LDLRAP1: variants seen among roughly 807,000 people sequenced by gnomAD.
LDLRAP1 encodes low density lipoprotein receptor adapter protein 1.
LDLRAP1 carries 30 observed loss-of-function variants against 37.8 expected under a neutral mutation model. That is an observed-to-expected ratio of 0.79 (90% CI 0.59 to 1.08). The LOEUF (loss-of-function observed/expected upper bound fraction) is 1.08. Among genes scored for constraint, LDLRAP1 ranks in the 50% least tolerant of loss-of-function variants. The pLI, the probability that LDLRAP1 is intolerant of heterozygous loss-of-function variation, is 0.00. For missense variants in LDLRAP1, 375 were observed against 401.6 expected (o/e 0.93, Z 0.57); for synonymous variants, 156 against 169.8 (o/e 0.92, Z 0.63).
At position 25,562,624 on chromosome 1, in the gene LDLRAP1, T is replaced by G. The variant is rs765941457; in HGVS notation, c.460-20T>G. ...CTGGCTGACACTGCACCCCTCCCCA[T>G]CCCCACTTCCTGTTTTCAGGCACAG... is the stretch of plus-strand genomic sequence containing the variant. On this transcript the variant is annotated intron_variant, in intron 4 of 8. Coordinates refer to ENST00000374338, the MANE Select transcript of LDLRAP1 (RefSeq NM_015627.3). The G allele has an allele frequency of 6.2e-7, 1 of 1,612,110 alleles. No individual in the cohort carries two copies. Among genetic ancestry groups the G allele is most frequent in the Admixed American group, 1.7e-5 (1 of 60,020 alleles).
At chr1:25,548,071 A>G (rs2043979976) in intron 1 of LDLRAP1, among the ~76,000 whole-genome samples, 1 of 152,232 alleles carries the variant, frequency 6.6e-6, no homozygotes, top group Admixed American at 6.5e-5. Flanking sequence ...GGAGGCAGGT[A>G]TGGACTGAAG....
intron 8 of LDLRAP1, among the ~76,000 whole-genome samples, chr1:25,566,532 C>T (rs977778227): frequency 2.0e-5 from 3 of 152,096 alleles, no homozygotes; most frequent in African/African-American, 7.2e-5. Context: ...GTTCCCCACC[C>T]CACCCCCACC....
intron 6 of LDLRAP1, 72 bp from the exon 7 acceptor site, chr1:25,563,589 G>A: frequency 6.3e-7 from 1 of 1,596,650 alleles, no homozygotes. Context: ...GTCAGGGCCA[G>A]GACAGCCCAG....
rs370633185 is a variant in LDLRAP1, at chr1:25,565,169, C to T, written c.748-4C>T. On this transcript the variant is annotated splice_polypyrimidine_tract_variant and splice_region_variant and intron_variant, in intron 7 of 8. Coordinates refer to ENST00000374338, the MANE Select transcript of LDLRAP1 (RefSeq NM_015627.3). ...TTCTTATCTCCTGCTTTGTTTTCCC[C>T]AAGGAGCTGGATGATGGCCTGGATG... 5.1e-5 allele frequency: 82 copies of T among 1,614,018 alleles called. No individual in the cohort carries two copies. The highest frequency in any genetic ancestry group is 6.5e-5 in the Non-Finnish European group (77 of 1,179,990).
At chr1:25,574,270 G>A in the LDLRAP1 span, among the ~76,000 whole-genome samples, 4 of 152,236 alleles carry the variant, frequency 2.6e-5, no homozygotes, top group Non-Finnish European at 4.4e-5. Context: ...ACCACAGGGC[G>A]GTGGCAAGGC....
chr1:25,563,576 A>C, intron 6 of LDLRAP1, 85 bp from the exon 7 acceptor site: 1 of 1,574,252 alleles, frequency 6.4e-7, no homozygotes, highest in African/African-American at 1.3e-5. Flanking sequence ...ATCAGAGGGG[A>C]GGGTCAGGGC....
rs111972273 is a variant in LDLRAP1, at chr1:25,565,027, A to T, written c.748-146A>T. Reference sequence around the variant, plus strand: ...GATGCTGGCGATGCACCCAGGCAGGAGGCCTGCCTGAGGCCGTGCCTCCAG... The same window carrying T: ...GATGCTGGCGATGCACCCAGGCAGGTGGCCTGCCTGAGGCCGTGCCTCCAG... On this transcript the variant is annotated intron_variant, in intron 7 of 8. Coordinates refer to ENST00000374338, the MANE Select transcript of LDLRAP1 (RefSeq NM_015627.3). 9.8e-4 allele frequency: 792 copies of T among 805,204 alleles called. 4 individuals carry two copies. Among genetic ancestry groups the T allele is most frequent in the African/African-American group, 8.7e-3 (514 of 59,038 alleles). The allele number at this position is 805,204 out of a possible 1,614,324, so 49.9% of individuals were successfully genotyped here. A position where few individuals can be genotyped will look rare whatever the true frequency, so the allele number is the denominator to read the frequency against.
intron 7 of LDLRAP1, chr1:25,564,708 C>T: frequency 5.6e-6 from 1 of 179,492 alleles, no homozygotes; most frequent in Non-Finnish European, 1.2e-5. Context: ...CTCCTGGCAT[C>T]AGTTATCCCT....
rs1312236334 is a variant in LDLRAP1, at chr1:25,563,706, C to T, written c.662C>T (p.Ala221Val). The T allele has an allele frequency of 6.2e-7, 1 of 1,613,828 alleles. No homozygotes were observed. Among genetic ancestry groups the T allele is most frequent in the Non-Finnish European group, 8.5e-7 (1 of 1,179,958 alleles). ...CTGGACTTAGAGGAGACAGCTAAGGCCCCGCTGTCCACGGTCAGCGCCAAC... is the reference window on the plus strand; with the variant it reads ...CTGGACTTAGAGGAGACAGCTAAGGTCCCGCTGTCCACGGTCAGCGCCAAC... Reference protein sequence around the residue: ...NLLDLEETAKAPLSTVSANTT... With the variant: ...NLLDLEETAKVPLSTVSANTT... Residue 221 changes from alanine (A) to valine (V), a missense_variant, in exon 7 of 9, where the codon GCC becomes GTC. Transcript: ENST00000374338.
Position 25,554,275 on chromosome 1 carries a change from G to A in LDLRAP1, c.231+211G>A, listed in dbSNP as rs1270455837. Reference sequence around the variant, plus strand: ...TAGTGGCTTCCCTCCAGCCATTATGGCCTCTTCCAGCCTCCCCACCCCCAG... The same window carrying A: ...TAGTGGCTTCCCTCCAGCCATTATGACCTCTTCCAGCCTCCCCACCCCCAG... On this transcript the variant is annotated intron_variant, in intron 2 of 8. Coordinates refer to ENST00000374338, the MANE Select transcript of LDLRAP1 (RefSeq NM_015627.3). This position sits in a 1 kb window ranked among gnomAD's most constrained non-coding sequence, Gnocchi z 5.4. 6.6e-6 allele frequency among the ~76,000 whole-genome samples: 1 copy of A among 152,072 alleles called. No individual in the cohort carries two copies. The highest frequency in any genetic ancestry group is 1.5e-5 in the Non-Finnish European group (1 of 67,992).
rs1363384108 is a variant in LDLRAP1, at chr1:25,553,973, T to C, written c.140T>C (p.Leu47Pro). The stretch of plus-strand genomic sequence containing the variant: ...CGGGAGACGCTGCTGGAGGGGATGC[T>C]GTTCAGCCTCAAGTACCTGGGCATG... ...DTRETLLEGM[L>P]FSLKYLGMTL... The change falls in exon 2 of 9, where the codon CTG becomes CCG. Residue 47 changes from leucine (L) to proline (P), a missense_variant. Transcript: ENST00000374338. The C allele has an allele frequency of 1.2e-6, 2 of 1,614,062 alleles. No individual in the cohort carries two copies. The highest frequency in any genetic ancestry group is 1.7e-5 in the Admixed American group (1 of 60,022).
At chr1:25,563,596 C>T (rs1289104160) in intron 6 of LDLRAP1, 65 bp from the exon 7 acceptor site, 2 of 1,602,514 alleles carry the variant, frequency 1.2e-6, no homozygotes, top group East Asian at 4.5e-5. Flanking sequence ...CCAGGACAGC[C>T]CAGGGAGGGG....
At chr1:25,570,995 G>A (rs982029153), downstream of LDLRAP1, among the ~76,000 whole-genome samples, 2 of 152,232 alleles carry the variant, frequency 1.3e-5, no homozygotes, top group Non-Finnish European at 2.9e-5. Context: ...GGCAGCTGAG[G>A]GTGAAGGAGG....
At chr1:25,582,171 T>G in the LDLRAP1 span, among the ~76,000 whole-genome samples, 2 of 152,242 alleles carry the variant, frequency 1.3e-5, no homozygotes, top group East Asian at 3.8e-4. Flanking sequence ...AAGCTCTTCA[T>G]TCTTTCATCA....
At chr1:25,589,575 GTAA>G in the LDLRAP1 span, among the ~76,000 whole-genome samples, 2 of 152,178 alleles carry the variant, frequency 1.3e-5, no homozygotes, top group South Asian at 4.1e-4. Context: ...AAAGAATGGA[GTAA>G]TAATATAGAA....
intron 8 of LDLRAP1, 24 bp downstream of exon 8, chr1:25,565,231 G>C (rs571523860): frequency 1.9e-6 from 3 of 1,613,772 alleles, no homozygotes; most frequent in South Asian, 2.2e-5. Flanking sequence ...CCTGTGCTGG[G>C]TAGGGGGCCT....
the LDLRAP1 span, among the ~76,000 whole-genome samples, chr1:25,589,468 C>G: frequency 6.6e-6 from 1 of 152,098 alleles, no homozygotes; most frequent in Non-Finnish European, 1.5e-5. Context: ...GTGTGTGAGA[C>G]GTTTCTAGAA....
chr1:25,557,448 G>A, intron 4 of LDLRAP1, 181 bp downstream of exon 4: 1 of 610,328 alleles, frequency 1.6e-6, no homozygotes, highest in South Asian at 1.9e-5. Context: ...TGGGGCTGCA[G>A]GCAGGCAGGT....
intron 4 of LDLRAP1, among the ~76,000 whole-genome samples, chr1:25,558,942 C>T (rs1307554108): frequency 1.3e-5 from 2 of 152,136 alleles, no homozygotes; most frequent in Non-Finnish European, 2.9e-5. Context: ...TGCTGTGTTA[C>T]CTTGGAGAAG....
Sources: allele counts gnomAD v4.1 joint callset (sites outside exome capture counted in the v4.1 genomes callset), GRCh38; gene constraint gnomAD v4.1.1; non-coding constraint Gnocchi (gnomAD v3.1); transcripts MANE v1.5; gene names NCBI Gene and HGNC (gene_info 2026-07-23, HGNC 2026-07-21).